The following PKHD1 variants were observed in gnomAD, a reference collection of about 807,000 sequenced individuals.
PKHD1 encodes PKHD1 ciliary IPT domain containing fibrocystin/polyductin, also known as fibrocystin.
Under a neutral mutation model 412.0 loss-of-function variants are expected in PKHD1, and 291 were observed. The observed-to-expected ratio is 0.71, with a 90% CI of 0.64 to 0.78. The LOEUF (loss-of-function observed/expected upper bound fraction) is 0.78, where lower values mean the gene tolerates loss of function less well. PKHD1 is among the 30% of genes least tolerant of loss of function. The pLI is 0.00. For missense variants in PKHD1, 4,825 were observed against 4,950.7 expected, an observed-to-expected ratio of 0.97 and a Z score of 0.76; for synonymous variants, 1,777 against 1,821.5, an observed-to-expected ratio of 0.98 and a Z score of 0.62.
intron 37 of PKHD1, among the ~76,000 whole-genome samples, chr6:51,918,902 CAT>C (rs1262090091): frequency 2.0e-5 from 3 of 152,260 alleles, no homozygotes; most frequent in Admixed American, 6.5e-5. Context: ...AGCTTTTATT[CAT>C]ATGTTTGTTG....
chr6:51,982,180 G>C (rs1378630914), intron 35 of PKHD1, among the ~76,000 whole-genome samples: 1 of 43,274 alleles, frequency 2.3e-5, no homozygotes. Flanking sequence ...CGTCCGGGAG[G>C]GAGGTGGGGG....
chr6:51,621,555 G>A (rs1230788128), intron 66 of PKHD1, among the ~76,000 whole-genome samples: 1 of 151,966 alleles, frequency 6.6e-6, no homozygotes, highest in Non-Finnish European at 1.5e-5. Flanking sequence ...CTTTAAGTCC[G>A]CATCTATTCA....
chr6:51,691,723 G>T (rs4711979), intron 60 of PKHD1, among the ~76,000 whole-genome samples: 1 of 151,804 alleles, frequency 6.6e-6, no homozygotes, highest in Non-Finnish European at 1.5e-5. Flanking sequence ...TTAATACCTG[G>T]GTGACAAAAT....
intron 55 of PKHD1, among the ~76,000 whole-genome samples, chr6:51,763,947 T>TC (rs1788476288): frequency 7.7e-6 from 1 of 129,510 alleles, no homozygotes; most frequent in Admixed American, 8.6e-5. Flanking sequence ...AAACTAAAAT[T>TC]CTTTTTTTTT....
intron 65 of PKHD1, among the ~76,000 whole-genome samples, chr6:51,628,784 G>A (rs1238057032): frequency 6.6e-6 from 1 of 151,980 alleles, no homozygotes. Context: ...GGTGTGAGAT[G>A]GTATCTTATT....
chr6:51,746,627 G>T, intron 59 of PKHD1, 94 bp downstream of exon 59: 1 of 813,360 alleles, frequency 1.2e-6, no homozygotes, highest in South Asian at 1.4e-5. Flanking sequence ...CTATTTCTTT[G>T]ATGATTTTAT....
At chr6:52,078,495 G>A (rs1454978474) in intron 5 of PKHD1, among the ~76,000 whole-genome samples, 1 of 152,094 alleles carries the variant, frequency 6.6e-6, no homozygotes, top group Non-Finnish European at 1.5e-5. Flanking sequence ...CTGGCAAGAT[G>A]GGATTAATTT....
At chr6:51,645,360 TG>T (rs1769956522) in intron 63 of PKHD1, among the ~76,000 whole-genome samples, 1 of 152,198 alleles carries the variant, frequency 6.6e-6, no homozygotes, top group Non-Finnish European at 1.5e-5. Context: ...TATATCTCTT[TG>T]TATAGTATGC....
intron 31 of PKHD1, among the ~76,000 whole-genome samples, 176 bp downstream of exon 31, chr6:52,027,653 C>T (rs1262311068): frequency 6.6e-6 from 1 of 151,970 alleles, no homozygotes; most frequent in Non-Finnish European, 1.5e-5. Flanking sequence ...GCAAATGAAT[C>T]ACCAAGTTTT....
chr6:51,993,923 A>G (rs1348392586), intron 35 of PKHD1, among the ~76,000 whole-genome samples: 1 of 152,184 alleles, frequency 6.6e-6, no homozygotes, highest in Non-Finnish European at 1.5e-5. Context: ...AAAATTTCCC[A>G]AAGTGTTCCA....
At chr6:51,945,819 C>G (rs565393204) in intron 36 of PKHD1, among the ~76,000 whole-genome samples, 1 of 152,116 alleles carries the variant, frequency 6.6e-6, no homozygotes, top group South Asian at 2.1e-4. Flanking sequence ...TACACAGAAC[C>G]AAACTAGAAC....
At chr6:51,906,558 A>G (rs569371529) in intron 40 of PKHD1, among the ~76,000 whole-genome samples, 96 of 147,688 alleles carry the variant, frequency 6.5e-4, no homozygotes, top group African/African-American at 2.2e-3. Context: ...CAAGTGTTAG[A>G]AAAAAAAAAA....
At chr6:51,807,437 CA>C (rs1174429085) in intron 52 of PKHD1, among the ~76,000 whole-genome samples, 750 of 39,084 alleles carry the variant, frequency 0.019, 9 homozygotes, top group African/African-American at 0.053. Flanking sequence ...GACTCTGTCT[CA>C]AAAAAAAAAA....
At chr6:51,645,819 C>A (rs576548629) in intron 63 of PKHD1, among the ~76,000 whole-genome samples, 8 of 152,284 alleles carry the variant, frequency 5.3e-5, no homozygotes, top group African/African-American at 1.9e-4. Flanking sequence ...CAGAATTATT[C>A]AACAATTCTG....
intron 52 of PKHD1, among the ~76,000 whole-genome samples, chr6:51,825,351 G>A (rs1767127785): frequency 6.6e-6 from 1 of 152,156 alleles, no homozygotes; most frequent in Non-Finnish European, 1.5e-5. Context: ...CAGCTTAGAA[G>A]GCATGTGGCT....
chr6:51,791,747 C>A (rs892476044), intron 52 of PKHD1, among the ~76,000 whole-genome samples: 1 of 152,186 alleles, frequency 6.6e-6, no homozygotes, highest in East Asian at 1.9e-4. Flanking sequence ...TGACATTGGC[C>A]TCTGAGGGAA....
intron 13 of PKHD1, among the ~76,000 whole-genome samples, chr6:52,063,202 G>T (rs1472116131): frequency 1.3e-5 from 2 of 152,174 alleles, no homozygotes; most frequent in Admixed American, 6.5e-5. Context: ...CATTTTAAAT[G>T]ATATTGTATT....
At chr6:51,891,773 G>A (rs1291714631) in intron 43 of PKHD1, among the ~76,000 whole-genome samples, 2 of 150,968 alleles carry the variant, frequency 1.3e-5, no homozygotes, top group Non-Finnish European at 3.0e-5. Context: ...AGACAGTATG[G>A]GGGAGAAAAC....
At chr6:51,908,524 C>T (rs1583314244) in intron 40 of PKHD1, among the ~76,000 whole-genome samples, 1 of 152,272 alleles carries the variant, frequency 6.6e-6, no homozygotes, top group Admixed American at 6.5e-5. Flanking sequence ...TTGGCATCTG[C>T]ACCCCCATTC....
Sources: allele counts gnomAD v4.1 joint callset (sites outside exome capture counted in the v4.1 genomes callset), GRCh38; gene constraint gnomAD v4.1.1; transcripts MANE v1.5; gene names NCBI Gene and HGNC (gene_info 2026-07-23, HGNC 2026-07-21).